Variants in JAKMIP2 observed in about 807,000 individuals in gnomAD.
JAKMIP2 encodes the protein janus kinase and microtubule interacting protein 2, also known as janus kinase and microtubule-interacting protein 2.
JAKMIP2 carries 25 observed loss-of-function variants against 115.0 expected under a neutral mutation model. The observed-to-expected ratio is 0.22, with a 90% CI of 0.16 to 0.30. The LOEUF is 0.30. Among genes scored for constraint, JAKMIP2 ranks in the 10% least tolerant of loss-of-function variants. The pLI is 1.00. For missense variants in JAKMIP2, 642 were observed against 957.6 expected, an observed-to-expected ratio of 0.67 and a Z score of 4.35; for synonymous variants, 334 against 343.6, an observed-to-expected ratio of 0.97 and a Z score of 0.31.
chr5:147,737,317 T>C (rs375580007), intron 1 of JAKMIP2, among the ~76,000 whole-genome samples: 24 of 152,230 alleles, frequency 1.6e-4, no homozygotes, highest in African/African-American at 5.3e-4. Context: ...TTCTCAGTTT[T>C]AGACCAAGAT....
At chr5:147,778,819 G>A (rs80217498) in intron 1 of JAKMIP2, among the ~76,000 whole-genome samples, 2,652 of 152,140 alleles carry the variant, frequency 0.017, 97 homozygotes, top group African/African-American at 0.061. Flanking sequence ...TATTCTCCAA[G>A]GAAATTCTTT....
At chr5:147,654,540 T>C (rs1459660953) in intron 3 of JAKMIP2, among the ~76,000 whole-genome samples, 1 of 152,162 alleles carries the variant, frequency 6.6e-6, no homozygotes. Flanking sequence ...ATAGGAAAGT[T>C]TGTGATTTTT....
chr5:147,692,743 C>A (rs549987098), intron 1 of JAKMIP2, among the ~76,000 whole-genome samples: 6 of 152,214 alleles, frequency 3.9e-5, no homozygotes, highest in Admixed American at 3.3e-4. Context: ...TGGGGACATG[C>A]GGAAACGGTC....
At chr5:147,640,564 G>T in intron 9 of JAKMIP2, 140 bp downstream of exon 9, 2 of 771,028 alleles carry the variant, frequency 2.6e-6, no homozygotes, top group Non-Finnish European at 2.0e-6. Context: ...ATAAAGTGCA[G>T]CCTCAAAATT....
intron 1 of JAKMIP2, among the ~76,000 whole-genome samples, chr5:147,763,671 C>A (rs1234192910): frequency 1.3e-5 from 2 of 152,080 alleles, no homozygotes; most frequent in Non-Finnish European, 2.9e-5. Flanking sequence ...TAGGTTCTTT[C>A]ACCCAGGTAA....
At chr5:147,610,187 C>A (rs147176345) in intron 20 of JAKMIP2, among the ~76,000 whole-genome samples, 1 of 152,138 alleles carries the variant, frequency 6.6e-6, no homozygotes, top group African/African-American at 2.4e-5. Flanking sequence ...TCTGTCAATT[C>A]GTCAAACTAA....
intron 4 of JAKMIP2, among the ~76,000 whole-genome samples, chr5:147,649,644 CAT>C (rs574782444): frequency 0.046 from 6,992 of 150,750 alleles, 524 homozygotes; most frequent in African/African-American, 0.16. Flanking sequence ...AGATTATATA[CAT>C]ATATATATAT....
intron 20 of JAKMIP2, among the ~76,000 whole-genome samples, chr5:147,611,897 T>C (rs1040388354): frequency 2.0e-5 from 3 of 152,168 alleles, no homozygotes; most frequent in Non-Finnish European, 2.9e-5. Context: ...AATTTACTGT[T>C]AAGGTGAAAC....
Position 147,618,073 on chromosome 5 carries a change from C to A in JAKMIP2, c.2184G>T (p.Gln728His). The change falls in exon 19 of 22, where the codon CAG (glutamine) becomes CAT (histidine). Residue 728 changes from glutamine (Q) to histidine (H), a missense_variant. By Grantham distance (24) the Gln-to-His change is conservative. This residue lies in a region of JAKMIP2 where 68 missense variants were observed against 104.6 expected (regional missense o/e 0.65). Transcript: ENST00000616793. ...ELEATLYNAL[Q>H]QETVIKFGEL... Reference sequence around the variant, plus strand: ...CACCAAACTTGATAACAGTTTCTTGCTGTAGAGCATTGTACAAAGTAGCTT... The same window carrying A: ...CACCAAACTTGATAACAGTTTCTTGATGTAGAGCATTGTACAAAGTAGCTT... 1.2e-6 allele frequency: 2 copies of A among 1,614,118 alleles called. No homozygotes were observed. The highest frequency in any genetic ancestry group is 1.3e-5 in the African/African-American group (1 of 75,064).
At chr5:147,673,879 T>C (rs1414953620) in intron 1 of JAKMIP2, among the ~76,000 whole-genome samples, 1 of 152,162 alleles carries the variant, frequency 6.6e-6, no homozygotes, top group East Asian at 1.9e-4. Context: ...TTCTAAATGT[T>C]GTTGTTGTTC....
At chr5:147,759,566 G>A (rs1754861391) in intron 1 of JAKMIP2, among the ~76,000 whole-genome samples, 1 of 152,122 alleles carries the variant, frequency 6.6e-6, no homozygotes, top group African/African-American at 2.4e-5. Flanking sequence ...TGTAATATAG[G>A]TCATTAAGAT....
In JAKMIP2 at chr5:147,636,945, G is replaced by A. The variant is rs1297979848; in HGVS notation, c.1614+20C>T. The A allele has an allele frequency of 1.1e-6, 1 of 872,814 alleles. No individual in the cohort carries two copies. Among genetic ancestry groups the A allele is most frequent in the Non-Finnish European group, 2.0e-6 (1 of 501,664 alleles). The allele number at this position is 872,814 out of a possible 1,614,324, so 54.1% of individuals were successfully genotyped here. A position where few individuals can be genotyped will look rare whatever the true frequency, so the allele number is the denominator to read the frequency against. ...TTGAATTGTCTGCATCTGCAGAAGA[G>A]CTAGCAACCAAATGCCTACCTGCCC... On this transcript the variant is annotated intron_variant, in intron 11 of 21. Coordinates refer to ENST00000616793, the MANE Select transcript of JAKMIP2 (RefSeq NM_001270941.2).
intron 21 of JAKMIP2, among the ~76,000 whole-genome samples, chr5:147,600,733 C>T (rs1755651986): frequency 6.6e-6 from 1 of 152,076 alleles, no homozygotes; most frequent in South Asian, 2.1e-4. Context: ...CCCTCTATCT[C>T]CAGTGATCTG....
intron 1 of JAKMIP2, among the ~76,000 whole-genome samples, chr5:147,682,356 T>C (rs1033211821): frequency 2.6e-5 from 4 of 152,194 alleles, no homozygotes; most frequent in African/African-American, 9.7e-5. Context: ...GTGTAGTCAC[T>C]GGAGGATTTC....
chr5:147,648,404 G>T lies in JAKMIP2; in HGVS notation c.908C>A (p.Thr303Asn), dbSNP rs752022916. ...TTCATTTCGTTCATCTCCAAGCAAGGTATTCCTGTCTTCTAATTTTCTTAT... is the reference window on the plus strand; with the variant it reads ...TTCATTTCGTTCATCTCCAAGCAAGTTATTCCTGTCTTCTAATTTTCTTAT... ...ATIRKLEDRN[T>N]LLGDERNELL... The change falls in exon 5 of 22, where the codon ACC becomes AAC. Residue 303 changes from threonine (T) to asparagine (N), a missense_variant. Thr to Asn is a moderately conservative substitution (Grantham distance 65). Coordinates refer to ENST00000616793, the MANE Select transcript of JAKMIP2 (RefSeq NM_001270941.2). 1 of 1,607,788 alleles carries T rather than the reference G, an allele frequency of 6.2e-7. No individual in the cohort carries two copies. Among genetic ancestry groups the T allele is most frequent in the Non-Finnish European group, 8.5e-7 (1 of 1,174,888 alleles).
chr5:147,601,484 A>C (rs1325735876), intron 21 of JAKMIP2, among the ~76,000 whole-genome samples: 3 of 152,112 alleles, frequency 2.0e-5, no homozygotes, highest in Non-Finnish European at 4.4e-5. Context: ...CTGTAGTCCC[A>C]GCTACTCAGG....
intron 12 of JAKMIP2, 62 bp downstream of exon 12, chr5:147,636,157 CCTG>C: frequency 2.2e-6 from 3 of 1,354,398 alleles, no homozygotes; most frequent in Non-Finnish European, 3.2e-6. Flanking sequence ...GAGAGCACCC[CCTG>C]CTGCTCCTGG....
chr5:147,640,344 A>G (rs1011506762), intron 9 of JAKMIP2, among the ~76,000 whole-genome samples: 1 of 152,278 alleles, frequency 6.6e-6, no homozygotes, highest in South Asian at 2.1e-4. Flanking sequence ...GATCATTCTG[A>G]TGAGGATGGT....
At chr5:147,764,623 C>G (rs1288677265) in intron 1 of JAKMIP2, among the ~76,000 whole-genome samples, 1 of 151,794 alleles carries the variant, frequency 6.6e-6, no homozygotes, top group Admixed American at 6.6e-5. Context: ...CAGTGGCTCA[C>G]GACCCTGTAA....
Sources: allele counts gnomAD v4.1 joint callset (sites outside exome capture counted in the v4.1 genomes callset), GRCh38; gene constraint gnomAD v4.1.1; regional missense constraint gnomAD v4.1.1; transcripts MANE v1.5; gene names NCBI Gene and HGNC (gene_info 2026-07-23, HGNC 2026-07-21).